MGME1: variants seen among roughly 807,000 people sequenced by gnomAD.
MGME1 encodes the protein mitochondrial genome maintenance exonuclease 1, also known as chromosome 20 open reading frame 72.
MGME1 carries 22 observed loss-of-function variants against 33.0 expected under a neutral mutation model. That is an observed-to-expected ratio of 0.67 (90% CI 0.48 to 0.95). MGME1 has a LOEUF of 0.95. Ranked by LOEUF, MGME1 falls within the 40% of genes least tolerant of loss-of-function variation. The pLI is 0.00. For synonymous variants in MGME1, 133 were observed against 144.0 expected, an observed-to-expected ratio of 0.92 and a Z score of 0.55; for missense variants, 383 against 397.8, an observed-to-expected ratio of 0.96 and a Z score of 0.32.
intron 3 of MGME1, among the ~76,000 whole-genome samples, chr20:17,979,413 T>C (rs2035947121): frequency 6.6e-6 from 1 of 151,010 alleles, no homozygotes; most frequent in Admixed American, 6.6e-5. Flanking sequence ...TTTTTAATTT[T>C]ATTTATTTAT....
At chr20:17,989,167 C>T (rs1290261776) in intron 4 of MGME1, among the ~76,000 whole-genome samples, 2 of 151,994 alleles carry the variant, frequency 1.3e-5, no homozygotes, top group Non-Finnish European at 2.9e-5. Context: ...GGGCAGATCA[C>T]CTGATGTCAG....
chr20:17,975,066 A>G (rs1420380366), intron 2 of MGME1, among the ~76,000 whole-genome samples: 2 of 152,190 alleles, frequency 1.3e-5, no homozygotes, highest in Non-Finnish European at 2.9e-5. Flanking sequence ...ACTTAAACAC[A>G]TAGTACCATA....
chr20:17,975,939 A>T (rs964321974), intron 3 of MGME1, 36 bp downstream of exon 3: 10 of 1,506,744 alleles, frequency 6.6e-6, no homozygotes, highest in Non-Finnish European at 9.2e-6. Flanking sequence ...AATACAGCGT[A>T]GGACAGATGG....
intron 2 of MGME1, among the ~76,000 whole-genome samples, chr20:17,971,197 C>G (rs2035720104): frequency 6.6e-6 from 1 of 152,210 alleles, no homozygotes. Context: ...AATCCAGACT[C>G]CTAAAACTAT....
In MGME1 at chr20:17,970,251, CA is replaced by C; in HGVS notation, c.394del (p.Ser132ValfsTer2). On this transcript the variant is annotated frameshift_variant, in exon 2 of 5. Coordinates refer to ENST00000377710, the MANE Select transcript of MGME1 (RefSeq NM_052865.4). LOFTEE classifies it high-confidence loss of function. ...LKIPLQRNVI[P>X]SVTRVLQQTM... is the part of the protein sequence containing the mutation. ...ATCCCCTTGCAAAGGAATGTGATAC[CA>C]AGTGTGACCCGAGTCCTTCAGCAGA... 2 of 1,614,216 alleles carry C rather than the reference CA, an allele frequency of 1.2e-6. No homozygotes were observed. The highest frequency in any genetic ancestry group is 1.7e-6 in the Non-Finnish European group (2 of 1,180,046).
chr20:17,977,547 T>A (rs2035899767), intron 3 of MGME1, among the ~76,000 whole-genome samples: 1 of 152,120 alleles, frequency 6.6e-6, no homozygotes, highest in African/African-American at 2.4e-5. Context: ...AGTACAGTGC[T>A]CATATATATA....
chr20:17,970,961 C>G (rs1022999115), intron 2 of MGME1, among the ~76,000 whole-genome samples: 3 of 152,150 alleles, frequency 2.0e-5, no homozygotes, highest in African/African-American at 7.2e-5. Flanking sequence ...ATTTAATATT[C>G]CATTCAAAAA....
chr20:17,976,404 G>A (rs947830675), intron 3 of MGME1, among the ~76,000 whole-genome samples: 3 of 152,004 alleles, frequency 2.0e-5, no homozygotes, highest in South Asian at 2.1e-4. Flanking sequence ...GATTACAGGC[G>A]TGAGCCACTG....
In MGME1 at chr20:17,990,260, C is replaced by T; in HGVS notation, c.*151C>T. 1.4e-6 allele frequency: 1 copy of T among 732,568 alleles called. No homozygotes were observed. Among genetic ancestry groups the T allele is most frequent in the Non-Finnish European group, 2.3e-6 (1 of 435,248 alleles). The allele number at this position is 732,568 out of a possible 1,614,324, so 45.4% of individuals were successfully genotyped here. On this transcript the variant is annotated 3_prime_UTR_variant, in exon 5 of 5. Transcript: ENST00000377710. ...ATTAATTTGTTGAAATGTGTTGTTACCAAAAAGACTGAAAAGCCCCAAAGT... is the reference window on the plus strand; with the variant it reads ...ATTAATTTGTTGAAATGTGTTGTTATCAAAAAGACTGAAAAGCCCCAAAGT...
chr20:17,975,044 A>G (rs1381181182), intron 2 of MGME1, among the ~76,000 whole-genome samples: 1 of 152,184 alleles, frequency 6.6e-6, no homozygotes, highest in Non-Finnish European at 1.5e-5. Flanking sequence ...CAGTTAACTT[A>G]TTACATTGGA....
chr20:17,987,171 A>C (rs1190736517), intron 3 of MGME1, among the ~76,000 whole-genome samples: 1 of 25,824 alleles, frequency 3.9e-5, no homozygotes, highest in African/African-American at 2.2e-4. Flanking sequence ...GACTCCATCT[A>C]AAAAAAAAAA....
chr20:17,968,770 C>G, upstream of MGME1: 1 of 333,866 alleles, frequency 3.0e-6, no homozygotes, highest in Non-Finnish European at 5.6e-6. Flanking sequence ...CGGACACTCT[C>G]CCAGCAAGAC....
At chr20:17,969,688 T>C (rs2035660517) in intron 1 of MGME1, 113 bp from the exon 2 acceptor site, 1 of 643,944 alleles carries the variant, frequency 1.6e-6, no homozygotes, top group Non-Finnish European at 2.5e-6. Context: ...TCTCGCTCTG[T>C]CGACTTTCTT....
intron 3 of MGME1, among the ~76,000 whole-genome samples, chr20:17,983,113 TGAGTTC>T (rs1378483284): frequency 6.6e-6 from 1 of 152,196 alleles, no homozygotes; most frequent in Non-Finnish European, 1.5e-5. Flanking sequence ...TCTCTCTTTC[TGAGTTC>T]GACTTTTTTA....
At chr20:17,978,339 G>A (rs965789346) in intron 3 of MGME1, among the ~76,000 whole-genome samples, 4 of 151,922 alleles carry the variant, frequency 2.6e-5, no homozygotes, top group Non-Finnish European at 5.9e-5. Context: ...CAAGTAGCTG[G>A]GATTAGAGGT....
At chr20:17,989,614 G>T (rs2036241355) in intron 4 of MGME1, among the ~76,000 whole-genome samples, 1 of 151,470 alleles carries the variant, frequency 6.6e-6, no homozygotes, top group Admixed American at 6.6e-5. Flanking sequence ...AACGAGCCGA[G>T]ATTGTGCCAC....
At chr20:17,968,591 G>C, upstream of MGME1, 1 of 655,934 alleles carries the variant, frequency 1.5e-6, no homozygotes, top group Non-Finnish European at 2.6e-6. Flanking sequence ...CACCATCCCA[G>C]CTGCCCCGGG....
intron 2 of MGME1, among the ~76,000 whole-genome samples, chr20:17,972,438 T>C (rs1353219077): frequency 1.0e-4 from 2 of 19,384 alleles, no homozygotes; most frequent in Non-Finnish European, 2.6e-4. Context: ...AGGTTTTAAT[T>C]TTTTTTTTTT....
At chr20:17,984,129 C>G (rs914585511) in intron 3 of MGME1, among the ~76,000 whole-genome samples, 3 of 152,040 alleles carry the variant, frequency 2.0e-5, no homozygotes, top group Non-Finnish European at 2.9e-5. Context: ...TTATGCAAGT[C>G]GATACCCAGT....
Sources: allele counts gnomAD v4.1 joint callset (sites outside exome capture counted in the v4.1 genomes callset), GRCh38; gene constraint gnomAD v4.1.1; transcripts MANE v1.5; gene names NCBI Gene and HGNC (gene_info 2026-07-23, HGNC 2026-07-21).